The following L3MBTL1 variants were observed in gnomAD, a reference collection of about 807,000 sequenced individuals.
L3MBTL1 encodes L3MBTL histone methyl-lysine binding protein 1.
Under a neutral mutation model 105.3 loss-of-function variants are expected in L3MBTL1, and 75 were observed. The ratio of observed to expected loss-of-function variants is 0.71; its 90% CI spans 0.59 to 0.86. L3MBTL1 has a LOEUF of 0.86. L3MBTL1 is among the 40% of genes least tolerant of loss of function. The pLI is 0.00. For synonymous variants in L3MBTL1, 452 were observed against 436.2 expected (o/e 1.04, Z -0.45); for missense variants, 1,069 against 1,126.4 (o/e 0.95, Z 0.73).
intron 7 of L3MBTL1, among the ~76,000 whole-genome samples, chr20:43,525,643 G>A (rs2018993098): frequency 6.6e-6 from 1 of 152,180 alleles, no homozygotes; most frequent in African/African-American, 2.4e-5. Context: ...AAGGAGGCAG[G>A]AAACTGAATT....
At chr20:43,547,929 C>A (rs1206415303) in intron 18 of L3MBTL1, among the ~76,000 whole-genome samples, 1 of 151,588 alleles carries the variant, frequency 6.6e-6, no homozygotes, top group Non-Finnish European at 1.5e-5. Flanking sequence ...TTCCTTTCTC[C>A]CTCCCTTCTC....
intron 7 of L3MBTL1, among the ~76,000 whole-genome samples, chr20:43,522,664 G>A (rs187541531): frequency 2.2e-4 from 33 of 150,866 alleles, no homozygotes; most frequent in Middle Eastern, 3.4e-3. Context: ...TAGAGACAGG[G>A]TTCCGCCATG....
downstream of L3MBTL1, among the ~76,000 whole-genome samples, chr20:43,542,522 G>T (rs1371170661): frequency 6.6e-6 from 1 of 150,660 alleles, no homozygotes; most frequent in African/African-American, 2.4e-5. Context: ...CAATTTCACA[G>T]GTTTTATGAC....
chr20:43,522,638 AATTTTTGT>A (rs756566776), intron 7 of L3MBTL1, among the ~76,000 whole-genome samples: 128 of 151,064 alleles, frequency 8.5e-4, no homozygotes, highest in Admixed American at 1.1e-3. Context: ...GTGCCTGGCT[AATTTTTGT>A]ATTTTTGTAG....
At chr20:43,543,140 T>C (rs1216534315), downstream of L3MBTL1, among the ~76,000 whole-genome samples, 1 of 152,156 alleles carries the variant, frequency 6.6e-6, no homozygotes, top group South Asian at 2.1e-4. Context: ...TGTAAAACTT[T>C]ACATCCACCC....
chr20:43,533,235 T>A, intron 12 of L3MBTL1, 107 bp from the exon 13 acceptor site: 1 of 978,466 alleles, frequency 1.0e-6, no homozygotes, highest in Non-Finnish European at 1.5e-6. Context: ...TCTGTCTCCC[T>A]CTCACTAAGA....
chr20:43,540,747 T>G lies in L3MBTL1; in HGVS notation c.2332-6T>G. 6.2e-7 allele frequency: 1 copy of G among 1,614,108 alleles called. No individual in the cohort carries two copies. The highest frequency in any genetic ancestry group is 8.5e-7 in the Non-Finnish European group (1 of 1,179,996). ...CCTGGTCAACATGTCATCTTTGGTT[T>G]CCAAGGTCTTCGGCTTTGTTCAGAC... On this transcript the variant is annotated splice_region_variant and splice_polypyrimidine_tract_variant and intron_variant, in intron 20 of 21. Transcript: ENST00000418998.
At chr20:43,542,448 C>T (rs1337143498), downstream of L3MBTL1, among the ~76,000 whole-genome samples, 1 of 152,028 alleles carries the variant, frequency 6.6e-6, no homozygotes, top group East Asian at 1.9e-4. Flanking sequence ...GGGTGCTGCT[C>T]CCCTAGAAGT....
At chr20:43,517,179 A>G (rs1350607736) in intron 7 of L3MBTL1, among the ~76,000 whole-genome samples, 1 of 150,856 alleles carries the variant, frequency 6.6e-6, no homozygotes, top group Non-Finnish European at 1.5e-5. Flanking sequence ...GCTCATTGCA[A>G]CCTCCACCTC....
intron 10 of L3MBTL1, 106 bp from the exon 11 acceptor site, chr20:43,530,671 TGGGCAAGTTCTTGAGGGTTGG>T (rs2019289634): frequency 1.1e-6 from 1 of 914,382 alleles, no homozygotes; most frequent in Non-Finnish European, 1.7e-6. Flanking sequence ...GGGGAATCCC[TGGGCAAGTTCTTGAGGGTTGG>T]GGGGAGGTCC....
At chr20:43,547,425 T>G (rs1475235162) in intron 18 of L3MBTL1, among the ~76,000 whole-genome samples, 1 of 152,192 alleles carries the variant, frequency 6.6e-6, no homozygotes. Context: ...TTAAAAGTCT[T>G]TCAGAGTGTG....
intron 18 of L3MBTL1, chr20:43,548,055 G>T: frequency 5.3e-5 from 56 of 1,053,682 alleles, no homozygotes; most frequent in South Asian, 3.9e-4. Flanking sequence ...CTTCACCCCT[G>T]CCCCGTGACC....
chr20:43,528,791 T>TCC, intron 8 of L3MBTL1, 46 bp downstream of exon 8: 2 of 1,444,660 alleles, frequency 1.4e-6, no homozygotes, highest in Non-Finnish European at 1.9e-6. Flanking sequence ...CTTCCTAGCC[T>TCC]AGGGACACAC....
rs1194086528 is a variant in L3MBTL1 at position 43,534,107 on chromosome 20, C to G, written c.1599+14C>G. ...GCCTTCAAGGTGGTGAGTCAGTGCT[C>G]CCTGACCCCAGAGCTGAGCTCAGAA... On this transcript the variant is annotated intron_variant, in intron 14 of 21. Transcript: ENST00000418998. 5 of 1,607,448 alleles carry G rather than the reference C, an allele frequency of 3.1e-6. No homozygotes were observed. Among genetic ancestry groups the G allele is most frequent in the Non-Finnish European group, 4.3e-6 (5 of 1,173,940 alleles).
chr20:43,521,510 G>C (rs1216216803), intron 7 of L3MBTL1, among the ~76,000 whole-genome samples: 1 of 152,146 alleles, frequency 6.6e-6, no homozygotes. Context: ...AGAGAGTGTG[G>C]TAAGAAAGAA....
chr20:43,507,940 G>A (rs1296949739), intron 1 of L3MBTL1, among the ~76,000 whole-genome samples, 196 bp downstream of exon 1: 2 of 152,138 alleles, frequency 1.3e-5, no homozygotes, highest in Non-Finnish European at 2.9e-5. Flanking sequence ...GAGCGCGCAG[G>A]GGGCCAGGCG....
chr20:43,539,938 A>G, intron 19 of L3MBTL1: 1 of 636,176 alleles, frequency 1.6e-6, no homozygotes, highest in Admixed American at 2.2e-5. Context: ...CTGACCTGAG[A>G]GTCTTTAAGA....
intron 3 of L3MBTL1, 26 bp downstream of exon 3, chr20:43,514,087 G>T: frequency 6.6e-7 from 1 of 1,521,980 alleles, no homozygotes; most frequent in Non-Finnish European, 8.8e-7. Context: ...GATTGGCTAA[G>T]CCTCGTAAAC....
chr20:43,508,642 T>G lies in L3MBTL1; in HGVS notation c.-29+898T>G, dbSNP rs1487265350. Among the ~76,000 whole-genome samples, 3 of 152,274 alleles carry G rather than the reference T, an allele frequency of 2.0e-5. No homozygotes were observed. The East Asian group carries it at 5.8e-4, about 29-fold the overall frequency. The stretch of plus-strand genomic sequence containing the variant: ...AGATATTTATTGAGCATCTGCTATG[T>G]GCACGGCTCTGGGCTGGGGCTACAA... On this transcript the variant is annotated intron_variant, in intron 1 of 21. Coordinates refer to ENST00000418998, the MANE Select transcript of L3MBTL1 (RefSeq NM_001377303.1).
Sources: allele counts gnomAD v4.1 joint callset (sites outside exome capture counted in the v4.1 genomes callset), GRCh38; gene constraint gnomAD v4.1.1; transcripts MANE v1.5; gene names NCBI Gene and HGNC (gene_info 2026-07-23, HGNC 2026-07-21).